The following NCOA1 variants were observed in gnomAD, a reference collection of about 807,000 sequenced individuals.
The protein encoded by NCOA1 is Hin-2 protein.
NCOA1 carries 35 observed loss-of-function variants against 150.9 expected under a neutral mutation model. That is an observed-to-expected ratio of 0.23 (90% CI 0.18 to 0.31). NCOA1 has a LOEUF of 0.31. Ranked by LOEUF, NCOA1 falls within the 10% of genes least tolerant of loss-of-function variation. The pLI is 1.00. For missense variants in NCOA1, 1,491 were observed against 1,749.3 expected (o/e 0.85, Z 2.63); for synonymous variants, 590 against 630.0 (o/e 0.94, Z 0.95).
At chr2:24,739,711 A>T (rs1000954683) in intron 18 of NCOA1, among the ~76,000 whole-genome samples, 178 bp downstream of exon 18, 2 of 152,142 alleles carry the variant, frequency 1.3e-5, no homozygotes, top group African/African-American at 4.8e-5. Context: ...CTGATATTTG[A>T]TCTAAAGCAA....
intron 1 of NCOA1, among the ~76,000 whole-genome samples, chr2:24,532,839 T>C (rs1390735940): frequency 6.6e-6 from 1 of 152,240 alleles, no homozygotes. Context: ...ATTACCATGC[T>C]GTTTTGGTTA....
intron 1 of NCOA1, among the ~76,000 whole-genome samples, chr2:24,547,926 T>C (rs1665666735): frequency 6.9e-6 from 1 of 145,270 alleles, no homozygotes; most frequent in Non-Finnish European, 1.5e-5. Flanking sequence ...GAGACGGAGC[T>C]TGCAGTGAGC....
intron 1 of NCOA1, among the ~76,000 whole-genome samples, chr2:24,526,713 T>TTA (rs1397917397): frequency 7.6e-6 from 1 of 131,342 alleles, no homozygotes; most frequent in Non-Finnish European, 1.7e-5. Flanking sequence ...AGACCCTTTC[T>TTA]CAAAAAAAAA....
At chr2:24,585,885 ATTC>A (rs1667382042) in intron 3 of NCOA1, among the ~76,000 whole-genome samples, 1 of 152,332 alleles carries the variant, frequency 6.6e-6, no homozygotes, top group African/African-American at 2.4e-5. Context: ...AAACTGTTTT[ATTC>A]TTTGATATTT....
rs999503393 is a variant in NCOA1, at chr2:24,768,908, C to G, written c.*517C>G. ...CAGCTTGTGTGTACAATCAGCTTCT[C>G]TAGCAACTCTGTATCTGTTGGCTTC... On this transcript the variant is annotated 3_prime_UTR_variant, in exon 23 of 23. Transcript: ENST00000348332. 9.1e-6 allele frequency: 2 copies of G among 220,192 alleles called. No homozygotes were observed. The highest frequency in any genetic ancestry group is 4.5e-5 in the African/African-American group (2 of 44,504). 13.6% of individuals were successfully genotyped at this position (220,192 alleles called of 1,614,324 possible).
chr2:24,558,833 G>A (rs925142563), intron 1 of NCOA1, among the ~76,000 whole-genome samples: 1 of 152,150 alleles, frequency 6.6e-6, no homozygotes, highest in Non-Finnish European at 1.5e-5. Context: ...GATACCTAGA[G>A]GTGTGATCTG....
chr2:24,625,935 A>G (rs894727288), intron 3 of NCOA1, among the ~76,000 whole-genome samples: 1 of 152,200 alleles, frequency 6.6e-6, no homozygotes, highest in African/African-American at 2.4e-5. Context: ...AAATCATATC[A>G]GTCTTGGTGA....
chr2:24,629,479 G>GTT (rs11333104), intron 3 of NCOA1, among the ~76,000 whole-genome samples: 6 of 132,410 alleles, frequency 4.5e-5, no homozygotes, highest in African/African-American at 1.1e-4. Context: ...TACTGTTTGG[G>GTT]TTTTTTTTTT....
chr2:24,596,829 A>C (rs1039213781), intron 3 of NCOA1, among the ~76,000 whole-genome samples: 6 of 152,180 alleles, frequency 3.9e-5, no homozygotes, highest in African/African-American at 7.2e-5. Flanking sequence ...TACAATATTC[A>C]TTTTAACTGG....
chr2:24,629,917 C>T (rs1572514179), intron 3 of NCOA1, among the ~76,000 whole-genome samples: 1 of 148,878 alleles, frequency 6.7e-6, no homozygotes, highest in Non-Finnish European at 1.5e-5. Flanking sequence ...GATCTCGGCT[C>T]ACTGCAAGCT....
chr2:24,629,301 C>T (rs780740602), intron 3 of NCOA1, among the ~76,000 whole-genome samples: 2 of 151,966 alleles, frequency 1.3e-5, no homozygotes, highest in Non-Finnish European at 2.9e-5. Flanking sequence ...ATCTGTTTAA[C>T]ATAAATATAA....
intron 2 of NCOA1, among the ~76,000 whole-genome samples, chr2:24,581,085 AT>A: frequency 6.6e-6 from 1 of 152,038 alleles, no homozygotes; most frequent in East Asian, 1.9e-4. Context: ...GCCCACATTG[AT>A]TTCTCCCTGG....
chr2:24,662,324 CG>C (rs1349573506), intron 5 of NCOA1, among the ~76,000 whole-genome samples: 1 of 152,136 alleles, frequency 6.6e-6, no homozygotes, highest in Middle Eastern at 3.2e-3. Flanking sequence ...AGGATTAAAA[CG>C]TTAATCTCAA....
chr2:24,553,434 G>C (rs937152036), intron 1 of NCOA1, among the ~76,000 whole-genome samples: 4 of 152,064 alleles, frequency 2.6e-5, no homozygotes, highest in African/African-American at 9.7e-5. Context: ...GGCCAGGCTG[G>C]TCCCAAACTG....
At chr2:24,722,633 G>T (rs142457399) in intron 14 of NCOA1, among the ~76,000 whole-genome samples, 1 of 152,090 alleles carries the variant, frequency 6.6e-6, no homozygotes, top group South Asian at 2.1e-4. Flanking sequence ...GTGAATGACC[G>T]TGTGAGGCAG....
At chr2:24,569,039 T>C (rs1016966079) in intron 2 of NCOA1, among the ~76,000 whole-genome samples, 4 of 151,432 alleles carry the variant, frequency 2.6e-5, no homozygotes, top group Non-Finnish European at 5.9e-5. Flanking sequence ...AATGGTCTAC[T>C]TGCTTTTTAA....
chr2:24,560,988 G>A (rs1666272424), intron 1 of NCOA1, among the ~76,000 whole-genome samples: 1 of 152,086 alleles, frequency 6.6e-6, no homozygotes, highest in Admixed American at 6.5e-5. Context: ...TGGAAAATAG[G>A]GGATTCGTTA....
intron 3 of NCOA1, among the ~76,000 whole-genome samples, chr2:24,613,350 G>C (rs763162686): frequency 6.6e-6 from 1 of 152,190 alleles, no homozygotes; most frequent in Non-Finnish European, 1.5e-5. Flanking sequence ...GGGCTGATAC[G>C]TGGAGTGCAC....
intron 20 of NCOA1, among the ~76,000 whole-genome samples, 169 bp from the exon 21 acceptor site, chr2:24,757,804 G>T (rs1371604447): frequency 6.6e-6 from 1 of 152,052 alleles, no homozygotes; most frequent in African/African-American, 2.4e-5. Flanking sequence ...AATCCCTTAT[G>T]TAGACTTCAG....
Sources: gnomAD v4.1 joint callset for allele counts (sites outside exome capture counted in the v4.1 genomes callset) on GRCh38, gnomAD v4.1.1 for gene constraint, MANE v1.5 for transcripts, NCBI Gene and HGNC (gene_info 2026-07-23, HGNC 2026-07-21) for gene names.